THRAP3: variants seen among roughly 807,000 people sequenced by gnomAD.
THRAP3 encodes the protein thyroid hormone receptor associated protein 3.
Under a neutral mutation model 101.0 loss-of-function variants are expected in THRAP3, and 16 were observed. That is an observed-to-expected ratio of 0.16 (90% CI 0.11 to 0.24). The LOEUF is 0.24. Among genes scored for constraint, THRAP3 ranks in the 10% least tolerant of loss-of-function variants. The pLI, the probability that THRAP3 is intolerant of heterozygous loss-of-function variation, is 1.00. For synonymous variants in THRAP3, 407 were observed against 422.6 expected (o/e 0.96, Z 0.45); for missense variants, 989 against 1,202.7 (o/e 0.82, Z 2.63).
chr1:36,224,806 A>G (rs900987583), intron 1 of THRAP3, among the ~76,000 whole-genome samples: 2 of 148,838 alleles, frequency 1.3e-5, no homozygotes, highest in Admixed American at 1.3e-4. Flanking sequence ...GCCACTCCCT[A>G]CTCCTCCCGT....
intron 1 of THRAP3, among the ~76,000 whole-genome samples, chr1:36,230,286 T>C (rs926656356): frequency 6.6e-6 from 1 of 151,318 alleles, no homozygotes; most frequent in Non-Finnish European, 1.5e-5. Flanking sequence ...GCCCGGCTAA[T>C]TTTGTATTTT....
Position 36,289,734 on chromosome 1 carries a change from G to T in THRAP3, c.1715G>T (p.Arg572Leu). The T allele has an allele frequency of 6.2e-7, 1 of 1,611,578 alleles. No individual in the cohort carries two copies. The highest frequency in any genetic ancestry group is 1.3e-5 in the African/African-American group (1 of 74,792). Residue 572 changes from arginine to leucine, a missense_variant, in exon 5 of 12, where the codon CGG becomes CTG. Arg to Leu is a moderately radical substitution (Grantham distance 102). Coordinates refer to ENST00000354618, the MANE Select transcript of THRAP3 (RefSeq NM_005119.4). ...SITREAQVNV[R>L]MDSFDEDLAR... ...ACTCGAGAGGCACAGGTCAATGTCC[G>T]GATGGACTCTTTTGATGAGGACCTC... is the stretch of plus-strand genomic sequence containing the variant.
intron 1 of THRAP3, among the ~76,000 whole-genome samples, chr1:36,229,450 A>ATGTT (rs1645001970): frequency 7.4e-6 from 1 of 135,068 alleles, no homozygotes; most frequent in African/African-American, 2.9e-5. Flanking sequence ...AATAAGTAGT[A>ATGTT]TGTTTTAATG....
intron 1 of THRAP3, among the ~76,000 whole-genome samples, chr1:36,251,780 C>A (rs2124456035): frequency 6.6e-6 from 1 of 152,242 alleles, no homozygotes; most frequent in Middle Eastern, 3.4e-3. Flanking sequence ...TTTCTGAGAA[C>A]TTTATACATA....
At chr1:36,247,382 T>A (rs1645244221) in intron 1 of THRAP3, among the ~76,000 whole-genome samples, 1 of 152,038 alleles carries the variant, frequency 6.6e-6, no homozygotes, top group Admixed American at 6.5e-5. Context: ...TGGAGTGCAG[T>A]GGCGTGATCT....
chr1:36,279,721 T>C (rs776233209), intron 2 of THRAP3, among the ~76,000 whole-genome samples: 13 of 152,220 alleles, frequency 8.5e-5, no homozygotes, highest in Non-Finnish European at 1.8e-4. Flanking sequence ...ATTATGTCTC[T>C]AAGATTTTGC....
the THRAP3 span, among the ~76,000 whole-genome samples, chr1:36,207,705 C>A: frequency 2.0e-5 from 3 of 152,198 alleles, no homozygotes; most frequent in African/African-American, 4.8e-5. Context: ...TAGCAACAAC[C>A]ACCTGAGGCT....
At chr1:36,221,338 G>C (rs1644901950), upstream of THRAP3, among the ~76,000 whole-genome samples, 1 of 151,756 alleles carries the variant, frequency 6.6e-6, no homozygotes, top group African/African-American at 2.4e-5. Context: ...TGCTATCAGA[G>C]CACTGCACGC....
At chr1:36,257,136 A>G (rs1645386438) in intron 1 of THRAP3, among the ~76,000 whole-genome samples, 1 of 152,114 alleles carries the variant, frequency 6.6e-6, no homozygotes, top group Non-Finnish European at 1.5e-5. Flanking sequence ...TTCCTCAGAC[A>G]GTCAGGCATG....
intron 1 of THRAP3, among the ~76,000 whole-genome samples, chr1:36,245,285 A>G (rs1186163813): frequency 6.8e-6 from 1 of 146,084 alleles, no homozygotes; most frequent in Non-Finnish European, 1.5e-5. Flanking sequence ...TCCTGCCTCA[A>G]CCTCCTGAGT....
At chr1:36,224,947 T>C (rs892470869) in intron 1 of THRAP3, 12 of 152,472 alleles carry the variant, frequency 7.9e-5, no homozygotes, top group Middle Eastern at 3.4e-3. Flanking sequence ...CAGTAAATGT[T>C]AGTACCGCTT....
intron 1 of THRAP3, among the ~76,000 whole-genome samples, chr1:36,226,710 A>G (rs1038570985): frequency 1.3e-5 from 2 of 152,156 alleles, no homozygotes; most frequent in Non-Finnish European, 2.9e-5. Flanking sequence ...TTTTTCACAC[A>G]TATTCTATAA....
At chr1:36,239,257 CTTTTTTT>C (rs34860552) in intron 1 of THRAP3, among the ~76,000 whole-genome samples, 3 of 108,216 alleles carry the variant, frequency 2.8e-5, no homozygotes, top group African/African-American at 3.7e-5. Flanking sequence ...CCAGGCTGGT[CTTTTTTT>C]TTTTTTTTTT....
At chr1:36,223,850 C>T (rs1644924686), upstream of THRAP3, among the ~76,000 whole-genome samples, 1 of 152,116 alleles carries the variant, frequency 6.6e-6, no homozygotes, top group African/African-American at 2.4e-5. Flanking sequence ...AAAAACGAAA[C>T]CAAACCAACC....
At chr1:36,289,001 AT>A in intron 4 of THRAP3, 58 bp from the exon 5 acceptor site, 1 of 1,481,716 alleles carries the variant, frequency 6.7e-7, no homozygotes, top group Non-Finnish European at 8.9e-7. Flanking sequence ...GTAAGGCACT[AT>A]TTTAGAGCAT....
Position 36,286,918 on chromosome 1 carries a change from A to G in THRAP3, c.688A>G (p.Thr230Ala), listed in dbSNP as rs1645803373. 6.2e-7 allele frequency: 1 copy of G among 1,614,216 alleles called. No individual in the cohort carries two copies. The highest frequency in any genetic ancestry group is 1.7e-5 in the Admixed American group (1 of 60,026). The change falls in exon 4 of 12, where the codon ACT (threonine) becomes GCT (alanine). Residue 230 changes from threonine to alanine, a missense_variant. Physicochemically the swap from Thr to Ala is moderately conservative, Grantham distance 58 (BLOSUM62 0). Coordinates refer to ENST00000354618, the MANE Select transcript of THRAP3 (RefSeq NM_005119.4). The surrounding 1 kb of genome is among the most constrained non-coding windows in gnomAD (Gnocchi z 5.5). ...SKPWPDATYG[T>A]GSASRASAVS... ...GCCATGGCCAGATGCCACCTACGGC[A>G]CTGGTTCTGCATCACGGGCCTCAGC...
At chr1:36,256,188 G>GATTATTATTATTATT (rs141623060) in intron 1 of THRAP3, among the ~76,000 whole-genome samples, 57 of 135,992 alleles carry the variant, frequency 4.2e-4, no homozygotes, top group African/African-American at 1.4e-3. Flanking sequence ...GGCCTGCCTG[G>GATTATTATTATTATT]ATTATTATTA....
At position 36,286,975 on chromosome 1, in the gene THRAP3, C is replaced by T; in HGVS notation, c.745C>T (p.Pro249Ser). The change falls in exon 4 of 12, where the codon CCA becomes TCA. Residue 249 changes from proline (P) to serine (S), a missense_variant. By Grantham distance (74) the Pro-to-Ser change is moderately conservative. Transcript: ENST00000354618. The surrounding 1 kb of genome is among the most constrained non-coding windows in gnomAD (Gnocchi z 5.5). ...TGAGCTGAGTCCTCGGGAGCGAAGC[C>T]CAGCTCTCAAAAGCCCCCTCCAGTC... ...VSELSPRERSPALKSPLQSVV... is the reference protein window; with the variant it reads ...VSELSPRERSSALKSPLQSVV... 3 of 1,614,244 alleles carry T rather than the reference C, an allele frequency of 1.9e-6. No homozygotes were observed. The highest frequency in any genetic ancestry group is 2.5e-6 in the Non-Finnish European group (3 of 1,180,048).
chr1:36,233,603 A>T, intron 1 of THRAP3, among the ~76,000 whole-genome samples: 1 of 151,636 alleles, frequency 6.6e-6, no homozygotes, highest in Non-Finnish European at 1.5e-5. Flanking sequence ...CTACAAAATA[A>T]AATAAAATAA....
Sources: allele counts gnomAD v4.1 joint callset (sites outside exome capture counted in the v4.1 genomes callset), GRCh38; gene constraint gnomAD v4.1.1; non-coding constraint Gnocchi (gnomAD v3.1); transcripts MANE v1.5; gene names NCBI Gene and HGNC (gene_info 2026-07-23, HGNC 2026-07-21).